THEMIS: variants seen among roughly 807,000 people sequenced by gnomAD.
THEMIS encodes the protein thymocyte selection associated, also known as protein THEMIS.
In THEMIS, 37 loss-of-function variants were observed where a neutral mutation model predicts 52.6. The observed-to-expected ratio is 0.70, with a 90% confidence interval of 0.54 to 0.93. THEMIS has a LOEUF of 0.93. Among genes scored for constraint, THEMIS ranks in the 40% least tolerant of loss-of-function variants. THEMIS has a pLI of 0.00. For missense variants in THEMIS, 808 were observed against 763.1 expected (o/e 1.06, Z -0.69); for synonymous variants, 292 against 272.7 (o/e 1.07, Z -0.70).
chr6:127,774,857 T>C (rs1469811908), intron 4 of THEMIS, among the ~76,000 whole-genome samples: 3 of 152,184 alleles, frequency 2.0e-5, no homozygotes, highest in Non-Finnish European at 4.4e-5. Context: ...AGATTGAGGC[T>C]AGTAGGGTGA....
At chr6:127,772,143 T>C (rs1466396538) in intron 4 of THEMIS, among the ~76,000 whole-genome samples, 2 of 152,066 alleles carry the variant, frequency 1.3e-5, no homozygotes, top group Admixed American at 1.3e-4. Flanking sequence ...ATTTCTTCCA[T>C]GTGTTAATTA....
At chr6:127,760,880 T>C (rs1775999001) in intron 4 of THEMIS, among the ~76,000 whole-genome samples, 1 of 152,152 alleles carries the variant, frequency 6.6e-6, no homozygotes, top group African/African-American at 2.4e-5. Flanking sequence ...CTTATTGATA[T>C]TGGTCTTAGC....
At chr6:127,724,360 G>A (rs1257289258) in intron 4 of THEMIS, among the ~76,000 whole-genome samples, 1 of 152,096 alleles carries the variant, frequency 6.6e-6, no homozygotes, top group Non-Finnish European at 1.5e-5. Flanking sequence ...TGAGAACTAA[G>A]TGTGTAAACA....
chr6:127,795,492 C>A (rs1165241148), intron 4 of THEMIS, among the ~76,000 whole-genome samples: 10 of 152,258 alleles, frequency 6.6e-5, no homozygotes, highest in South Asian at 2.1e-4. Flanking sequence ...CCACACCCGG[C>A]TAATTTTTTG....
At chr6:127,775,097 T>C in intron 4 of THEMIS, among the ~76,000 whole-genome samples, 1 of 152,242 alleles carries the variant, frequency 6.6e-6, no homozygotes, top group Non-Finnish European at 1.5e-5. Flanking sequence ...AGGCAGGGCA[T>C]ATGTTGATTA....
At chr6:127,805,968 T>G (rs1366807152) in intron 4 of THEMIS, among the ~76,000 whole-genome samples, 3 of 152,198 alleles carry the variant, frequency 2.0e-5, no homozygotes, top group Admixed American at 6.5e-5. Context: ...TTTGATTTTT[T>G]TTTTTAAAGA....
At chr6:127,747,293 T>C (rs956680327) in intron 4 of THEMIS, among the ~76,000 whole-genome samples, 3 of 139,378 alleles carry the variant, frequency 2.2e-5, no homozygotes, top group African/African-American at 7.6e-5. Flanking sequence ...GAGATATCTA[T>C]CTGTTAATGG....
intron 4 of THEMIS, among the ~76,000 whole-genome samples, chr6:127,775,808 G>T (rs979436222): frequency 3.3e-5 from 5 of 151,996 alleles, no homozygotes; most frequent in Non-Finnish European, 5.9e-5. Context: ...TTGTAAAATG[G>T]TTGTTCAAAC....
At chr6:127,701,640 A>G in the THEMIS span, among the ~76,000 whole-genome samples, 1 of 152,186 alleles carries the variant, frequency 6.6e-6, no homozygotes, top group Non-Finnish European at 1.5e-5. Flanking sequence ...TAGATTTATC[A>G]ATTTGAACTC....
intron 1 of THEMIS, among the ~76,000 whole-genome samples, chr6:127,875,894 C>T (rs571781896): frequency 6.6e-6 from 1 of 152,254 alleles, no homozygotes; most frequent in South Asian, 2.1e-4. Flanking sequence ...ACATAGTTGA[C>T]ATGTGATTAT....
At chr6:127,726,542 T>C (rs2114506405) in intron 4 of THEMIS, among the ~76,000 whole-genome samples, 1 of 152,312 alleles carries the variant, frequency 6.6e-6, no homozygotes, top group African/African-American at 2.4e-5. Context: ...TGTCAAGCAT[T>C]AAAGTAAGAG....
rs758824851 is a variant in THEMIS at position 127,813,050 on chromosome 6, G to C, written c.1591C>G (p.Leu531Val). Reference protein sequence around the residue: ...RDAEPFLVRTLVEEITEEQYY... With the variant: ...RDAEPFLVRTVVEEITEEQYY... The stretch of plus-strand genomic sequence containing the variant: ...TGCTCTTCAGTGATCTCTTCTACCA[G>C]AGTCCTGACTAGAAATGGTTCTGCA... Residue 531 changes from leucine (L) to valine (V), a missense_variant, in exon 4 of 6, where the codon CTG becomes GTG. By Grantham distance (32) the Leu-to-Val change is conservative (BLOSUM62 1). Coordinates refer to ENST00000368248, the MANE Select transcript of THEMIS (RefSeq NM_001010923.3). 1 of 1,614,084 alleles carries C rather than the reference G, an allele frequency of 6.2e-7. No individual in the cohort carries two copies. Among genetic ancestry groups the C allele is most frequent in the South Asian group, 1.1e-5 (1 of 91,084 alleles).
intron 4 of THEMIS, among the ~76,000 whole-genome samples, chr6:127,774,601 A>G (rs1050382559): frequency 6.6e-6 from 1 of 152,226 alleles, no homozygotes; most frequent in African/African-American, 2.4e-5. Flanking sequence ...GAGATAGCAC[A>G]TATGTACTAT....
chr6:127,717,759 A>G (rs1774220966), intron 5 of THEMIS, among the ~76,000 whole-genome samples: 1 of 151,854 alleles, frequency 6.6e-6, no homozygotes, highest in African/African-American at 2.4e-5. Context: ...TGAAAGAATT[A>G]GGTCTGGGTA....
chr6:127,760,652 T>A (rs546624937), intron 4 of THEMIS, among the ~76,000 whole-genome samples: 1 of 152,128 alleles, frequency 6.6e-6, no homozygotes, highest in African/African-American at 2.4e-5. Flanking sequence ...GGCATGGTGG[T>A]GCATCTCTAG....
chr6:127,881,957 T>C (rs893915647), intron 1 of THEMIS, among the ~76,000 whole-genome samples: 9 of 144,880 alleles, frequency 6.2e-5, no homozygotes, highest in Non-Finnish European at 1.4e-4. Flanking sequence ...GGCATTCCAG[T>C]AGACAAGTTA....
chr6:127,820,473 G>A (rs1403247583), intron 3 of THEMIS, among the ~76,000 whole-genome samples: 1 of 152,116 alleles, frequency 6.6e-6, no homozygotes, highest in East Asian at 1.9e-4. Flanking sequence ...GACTGGACAG[G>A]AGACTCACTG....
chr6:127,783,893 C>T (rs571456392), intron 4 of THEMIS, among the ~76,000 whole-genome samples: 3 of 152,240 alleles, frequency 2.0e-5, no homozygotes, highest in African/African-American at 7.2e-5. Flanking sequence ...TGGGTATATA[C>T]CCAAAGGATT....
chr6:127,736,864 A>AAAG (rs1554217060), intron 4 of THEMIS, among the ~76,000 whole-genome samples: 1 of 151,622 alleles, frequency 6.6e-6, no homozygotes, highest in Non-Finnish European at 1.5e-5. Context: ...AAAAAAAAAA[A>AAAG]AAAGAAAAAA....
Sources: gnomAD v4.1 joint callset for allele counts (sites outside exome capture counted in the v4.1 genomes callset) on GRCh38, gnomAD v4.1.1 for gene constraint, MANE v1.5 for transcripts, NCBI Gene and HGNC (gene_info 2026-07-23, HGNC 2026-07-21) for gene names.